ARHGEF10: variants seen among roughly 807,000 people sequenced by gnomAD.
ARHGEF10 encodes Rho guanine nucleotide exchange factor (GEF) 10.
A neutral mutation model predicts 147.4 loss-of-function variants in ARHGEF10; 140 were observed. That is an observed-to-expected ratio of 0.95 (90% CI 0.83 to 1.09). The LOEUF (loss-of-function observed/expected upper bound fraction) is 1.09, where lower values mean the gene tolerates loss of function less well. Among genes scored for constraint, ARHGEF10 ranks in the 50% least tolerant of loss-of-function variants. The pLI is 0.00. For missense variants in ARHGEF10, 2,222 were observed against 1,752.7 expected (o/e 1.27, Z -4.78); for synonymous variants, 902 against 695.8 (o/e 1.30, Z -4.67).
At chr8:1,880,583 A>G (rs1320306352) in intron 9 of ARHGEF10, among the ~76,000 whole-genome samples, 1 of 152,236 alleles carries the variant, frequency 6.6e-6, no homozygotes, top group African/African-American at 2.4e-5. Flanking sequence ...TCAGCGTTTT[A>G]ACTTCAAATG....
In ARHGEF10 at chr8:1,957,547, T is replaced by C. The variant is rs1172179192; in HGVS notation, c.*284T>C. On this transcript the variant is annotated 3_prime_UTR_variant, in exon 29 of 29. Transcript: ENST00000349830. ...GGGAAAATACCACATTCTTTTTGAC[T>C]GCTGTAGTCCATATGTGAATACTAA... is the stretch of plus-strand genomic sequence containing the variant. 1.8e-6 allele frequency: 1 copy of C among 545,714 alleles called. No homozygotes were observed. The highest frequency in any genetic ancestry group is 3.2e-5 in the East Asian group (1 of 31,508). 33.8% of individuals were successfully genotyped at this position (545,714 alleles called of 1,614,324 possible).
At chr8:1,834,541 TC>T (rs1398568119) in intron 1 of ARHGEF10, among the ~76,000 whole-genome samples, 1 of 152,092 alleles carries the variant, frequency 6.6e-6, no homozygotes, top group African/African-American at 2.4e-5. Flanking sequence ...ACAGTGGGGT[TC>T]TCCCGAGTCT....
chr8:1,957,286 T>G lies in ARHGEF10; in HGVS notation c.*23T>G, dbSNP rs1304264000. The G allele has an allele frequency of 6.2e-7, 1 of 1,600,462 alleles. No individual in the cohort carries two copies. The highest frequency in any genetic ancestry group is 8.5e-7 in the Non-Finnish European group (1 of 1,176,220). On this transcript the variant is annotated 3_prime_UTR_variant, in exon 29 of 29. Transcript: ENST00000349830. ...TAAGCAGGACGGCCGCCTTCTGCTG[T>G]CAGAATTTGCAATCAAGGGTGACTT...
Position 1,956,876 on chromosome 8 carries a change from C to A in ARHGEF10, c.3648C>A (p.Asp1216Glu). 6.2e-7 allele frequency: 1 copy of A among 1,614,094 alleles called. No homozygotes were observed. The highest frequency in any genetic ancestry group is 8.5e-7 in the Non-Finnish European group (1 of 1,180,024). ...DSLAPGPEPQ[D>E]EDQKDALPSG... ...TGGCTCCTGGCCCCGAGCCTCAGGA[C>A]GAAGACCAGAAGGACGCACTTCCGA... The change falls in exon 29 of 29, where the codon GAC (aspartate) becomes GAA (glutamate). Residue 1216 changes from aspartate (D) to glutamate (E), a missense_variant. By Grantham distance (45) the Asp-to-Glu change is conservative. Transcript: ENST00000349830.
chr8:1,945,714 T>TGCG, intron 27 of ARHGEF10, 59 bp downstream of exon 27: 2 of 1,602,784 alleles, frequency 1.2e-6, no homozygotes, highest in Non-Finnish European at 1.7e-6. Flanking sequence ...ACGTGGGGGG[T>TGCG]GCGGAGCGCT....
intron 28 of ARHGEF10, among the ~76,000 whole-genome samples, chr8:1,956,283 A>G (rs1215058156): frequency 6.6e-6 from 1 of 152,096 alleles, no homozygotes; most frequent in Non-Finnish European, 1.5e-5. Flanking sequence ...ATTGTTCTGA[A>G]CCCCAGAACG....
intron 14 of ARHGEF10, among the ~76,000 whole-genome samples, chr8:1,897,520 C>G (rs568397970): frequency 3.6e-4 from 54 of 149,790 alleles, no homozygotes; most frequent in African/African-American, 1.2e-3. Context: ...TGGGCTCTGT[C>G]CTAAGGCATC....
chr8:1,868,333 C>A (rs1403380600), intron 6 of ARHGEF10, among the ~76,000 whole-genome samples: 2 of 152,136 alleles, frequency 1.3e-5, no homozygotes, highest in Non-Finnish European at 2.9e-5. Flanking sequence ...AAGCGGTTGT[C>A]TGTATGTTTT....
intron 2 of ARHGEF10, among the ~76,000 whole-genome samples, chr8:1,853,169 C>G (rs372672341): frequency 7.5e-4 from 115 of 152,318 alleles, no homozygotes; most frequent in African/African-American, 2.6e-3. Flanking sequence ...GTGTCATGGC[C>G]TTCATGGGTG....
chr8:1,933,568 G>T (rs1349297415), intron 25 of ARHGEF10, among the ~76,000 whole-genome samples: 1 of 142,146 alleles, frequency 7.0e-6, no homozygotes, highest in Admixed American at 7.1e-5. Context: ...CGGGTGGGGG[G>T]TCTTGAGGGC....
At chr8:1,945,883 G>GTGCTGGGAGGAGCCGCT in intron 27 of ARHGEF10, 1 of 742,644 alleles carries the variant, frequency 1.3e-6, no homozygotes, top group South Asian at 1.7e-5. Flanking sequence ...AAGGAGCCGC[G>GTGCTGGGAGGAGCCGCT]TGCTGGGAGG....
At chr8:1,893,748 T>C in intron 12 of ARHGEF10, 102 bp downstream of exon 12, 1 of 1,014,060 alleles carries the variant, frequency 9.9e-7, no homozygotes, top group Non-Finnish European at 1.5e-6. Context: ...TTATGAAACA[T>C]AACATGCAAA....
intron 11 of ARHGEF10, among the ~76,000 whole-genome samples, chr8:1,887,414 C>T (rs1808759771): frequency 1.3e-5 from 2 of 151,438 alleles, no homozygotes; most frequent in South Asian, 4.1e-4. Flanking sequence ...CGATGCCAGA[C>T]CCTGAGTGGG....
intron 14 of ARHGEF10, among the ~76,000 whole-genome samples, chr8:1,897,538 A>G (rs968952933): frequency 6.7e-6 from 1 of 149,624 alleles, no homozygotes; most frequent in Non-Finnish European, 1.5e-5. Context: ...ATCGGATCGC[A>G]GTTCCCCCTC....
At position 1,893,735 on chromosome 8, in the gene ARHGEF10, T is replaced by G. The variant is rs912245304; in HGVS notation, c.1260+89T>G. On this transcript the variant is annotated intron_variant, in intron 12 of 28. Transcript: ENST00000349830. Reference sequence around the variant, plus strand: ...TTGATCCATAAATGCAAAGCATATATGTTTATGAAACATAACATGCAAATT... The same window carrying G: ...TTGATCCATAAATGCAAAGCATATAGGTTTATGAAACATAACATGCAAATT... 37 of 1,103,198 alleles carry G rather than the reference T, an allele frequency of 3.4e-5. No homozygotes were observed. The African/African-American group carries it at 5.7e-4, about 17-fold the overall frequency. 68.3% of individuals were successfully genotyped at this position (1,103,198 alleles called of 1,614,324 possible).
intron 17 of ARHGEF10, among the ~76,000 whole-genome samples, chr8:1,908,294 G>C (rs1444886225): frequency 7.1e-6 from 1 of 141,604 alleles, no homozygotes; most frequent in South Asian, 2.2e-4. Context: ...GCTGTGGCTC[G>C]ATCTCAGCTC....
At chr8:1,862,596 G>A (rs1806222140) in intron 4 of ARHGEF10, among the ~76,000 whole-genome samples, 1 of 152,190 alleles carries the variant, frequency 6.6e-6, no homozygotes, top group Non-Finnish European at 1.5e-5. Flanking sequence ...AGCCCTGAGA[G>A]GGCTCATGTG....
intron 18 of ARHGEF10, among the ~76,000 whole-genome samples, chr8:1,920,413 C>T (rs1445515343): frequency 1.3e-5 from 2 of 151,950 alleles, no homozygotes; most frequent in South Asian, 2.1e-4. Flanking sequence ...GCCTTGACTT[C>T]CTTGGCTCGA....
rs772614785 is a variant in ARHGEF10 at position 1,905,688 on chromosome 8, G to T, written c.1939G>T (p.Val647Leu). The change falls in exon 17 of 29, where the codon GTG (valine) becomes TTG (leucine). Residue 647 changes from valine (V) to leucine (L), a missense_variant. Physicochemically the swap from Val to Leu is conservative, Grantham distance 32 (BLOSUM62 1). Transcript: ENST00000349830. Reference sequence around the variant, plus strand: ...ACGCCGAGTCTTCATGTTAAATGATGTGTTAATGTGTGCCACCGTCAGCTC... The same window carrying T: ...ACGCCGAGTCTTCATGTTAAATGATTTGTTAATGTGTGCCACCGTCAGCTC... ...KERRVFMLNDVLMCATVSSRP... is the reference protein window; with the variant it reads ...KERRVFMLNDLLMCATVSSRP... The T allele has an allele frequency of 1.2e-6, 2 of 1,614,136 alleles. No homozygotes were observed. Among genetic ancestry groups the T allele is most frequent in the South Asian group, 1.1e-5 (1 of 91,078 alleles).
Sources: gnomAD v4.1 joint callset for allele counts (sites outside exome capture counted in the v4.1 genomes callset) on GRCh38, gnomAD v4.1.1 for gene constraint, MANE v1.5 for transcripts, NCBI Gene and HGNC (gene_info 2026-07-23, HGNC 2026-07-21) for gene names.